Variants in SNAP25 observed in about 807,000 individuals in gnomAD.
SNAP25 encodes synaptosome associated protein 25.
Under a neutral mutation model 28.7 loss-of-function variants are expected in SNAP25, and 3 were observed. The observed-to-expected ratio is 0.10, with a 90% CI of 0.05 to 0.27. The LOEUF (loss-of-function observed/expected upper bound fraction) is 0.27. Ranked by LOEUF, SNAP25 falls within the 10% of genes least tolerant of loss-of-function variation. The pLI, the probability that SNAP25 is intolerant of heterozygous loss-of-function variation, is 1.00. For synonymous variants in SNAP25, 61 were observed against 88.1 expected (o/e 0.69, Z 1.72); for missense variants, 117 against 278.7 (o/e 0.42, Z 4.13).
chr20:10,286,819 A>T (rs940321903), intron 4 of SNAP25, among the ~76,000 whole-genome samples: 21 of 152,222 alleles, frequency 1.4e-4, no homozygotes, highest in African/African-American at 5.1e-4. Flanking sequence ...AAAGTTGTAC[A>T]CAAATAACAA....
intron 1 of SNAP25, among the ~76,000 whole-genome samples, chr20:10,236,359 T>C (rs551439993): frequency 7.2e-5 from 11 of 152,296 alleles, no homozygotes; most frequent in Non-Finnish European, 1.5e-4. Flanking sequence ...CCTTTGAACA[T>C]TGAGGATAAG....
intron 3 of SNAP25, among the ~76,000 whole-genome samples, chr20:10,280,874 T>G (rs894034066): frequency 1.3e-5 from 2 of 151,616 alleles, no homozygotes; most frequent in African/African-American, 2.4e-5. Flanking sequence ...TCTAAAGTGG[T>G]GTATGCCAAA....
chr20:10,296,891 CT>C (rs776222165), intron 5 of SNAP25, 33 bp from the exon 6 acceptor site: 4 of 1,613,314 alleles, frequency 2.5e-6, no homozygotes, highest in East Asian at 2.2e-5. Flanking sequence ...TCCTCCACCC[CT>C]GTGCCTTGTC....
intron 1 of SNAP25, among the ~76,000 whole-genome samples, chr20:10,262,451 T>A (rs921419167): frequency 6.6e-6 from 1 of 152,228 alleles, no homozygotes; most frequent in African/African-American, 2.4e-5. Flanking sequence ...ATATTCTGAA[T>A]GTGGAGTCTT....
At chr20:10,263,870 G>T (rs748016436) in intron 1 of SNAP25, among the ~76,000 whole-genome samples, 7 of 152,050 alleles carry the variant, frequency 4.6e-5, no homozygotes, top group African/African-American at 1.7e-4. Context: ...ACCTGTTACC[G>T]TGGTTTGTTT....
chr20:10,268,034 G>A (rs1050384832), intron 1 of SNAP25, among the ~76,000 whole-genome samples: 14 of 152,158 alleles, frequency 9.2e-5, no homozygotes, highest in Admixed American at 6.5e-4. Context: ...TATGCACAGC[G>A]TGTGTCACTG....
intron 1 of SNAP25, among the ~76,000 whole-genome samples, chr20:10,224,257 CTTTTTTTTTTTTTTTTTTTT>C (rs71332917): frequency 5.7e-5 from 1 of 17,420 alleles, no homozygotes; most frequent in Non-Finnish European, 9.5e-5. Context: ...ATGTACATGT[CTTTTTTTTTTTTTTTTTTTT>C]TTTTTTTTTT....
In SNAP25 at chr20:10,271,338, C is replaced by A. The variant is rs147997995; in HGVS notation, c.-63-4091C>A. On this transcript the variant is annotated intron_variant, in intron 1 of 7. Coordinates refer to ENST00000254976, the MANE Select transcript of SNAP25 (RefSeq NM_130811.4). Reference sequence around the variant, plus strand: ...TATTAAACACTAGCAGTAAACATCCCAACAGAAGATCTGGAGGTACGCTCA... The same window carrying A: ...TATTAAACACTAGCAGTAAACATCCAAACAGAAGATCTGGAGGTACGCTCA... Among the ~76,000 whole-genome samples, 372 of 152,308 alleles carry A rather than the reference C, an allele frequency of 2.4e-3. 1 individual carries two copies. Among genetic ancestry groups the A allele is most frequent in the Non-Finnish European group, 4.0e-3 (273 of 68,026 alleles).
At chr20:10,263,555 A>G (rs944070038) in intron 1 of SNAP25, among the ~76,000 whole-genome samples, 5 of 152,180 alleles carry the variant, frequency 3.3e-5, no homozygotes, top group Admixed American at 2.0e-4. Context: ...TGGTCTTAGA[A>G]TCTGTCTGTT....
At chr20:10,255,682 C>T (rs1387276348) in intron 1 of SNAP25, among the ~76,000 whole-genome samples, 1 of 152,144 alleles carries the variant, frequency 6.6e-6, no homozygotes, top group African/African-American at 2.4e-5. Context: ...ACACAGGAAT[C>T]GTGGGTTAGA....
At chr20:10,257,629 T>G (rs187818701) in intron 1 of SNAP25, among the ~76,000 whole-genome samples, 95 of 151,336 alleles carry the variant, frequency 6.3e-4, no homozygotes, top group East Asian at 4.6e-3. Flanking sequence ...GAGAATCGCT[T>G]GAACCCAGGA....
At chr20:10,289,928 G>A (rs1458682633) in intron 4 of SNAP25, among the ~76,000 whole-genome samples, 1 of 151,856 alleles carries the variant, frequency 6.6e-6, no homozygotes, top group Non-Finnish European at 1.5e-5. Context: ...CCAATATCAT[G>A]GCAAAAGAAA....
intron 1 of SNAP25, among the ~76,000 whole-genome samples, chr20:10,250,281 G>A (rs1600684869): frequency 6.6e-6 from 1 of 152,276 alleles, no homozygotes; most frequent in East Asian, 1.9e-4. Context: ...GTCGTCCAGG[G>A]CATTTCTGAA....
chr20:10,241,586 T>C (rs1282215818), intron 1 of SNAP25, among the ~76,000 whole-genome samples: 1 of 151,628 alleles, frequency 6.6e-6, no homozygotes, highest in East Asian at 1.9e-4. Context: ...TAGGGTGAGG[T>C]GGTCGAGAGA....
At chr20:10,296,726 G>A (rs767953375) in intron 5 of SNAP25, 199 bp from the exon 6 acceptor site, 15 of 631,912 alleles carry the variant, frequency 2.4e-5, no homozygotes, top group East Asian at 1.3e-4. Flanking sequence ...CAATGGATTC[G>A]ATTGGAAGTG....
chr20:10,294,965 G>T (rs1339920523), intron 5 of SNAP25, among the ~76,000 whole-genome samples: 1 of 152,136 alleles, frequency 6.6e-6, no homozygotes, highest in East Asian at 1.9e-4. Context: ...GTGAAGGCAG[G>T]GTCCCCTGGG....
At chr20:10,295,203 G>A (rs1420736019) in intron 5 of SNAP25, among the ~76,000 whole-genome samples, 4 of 152,268 alleles carry the variant, frequency 2.6e-5, no homozygotes, top group South Asian at 2.1e-4. Context: ...TTCAAGGGAC[G>A]ATGGTAGATG....
chr20:10,237,768 G>C (rs1600660126), intron 1 of SNAP25, among the ~76,000 whole-genome samples: 1 of 152,144 alleles, frequency 6.6e-6, no homozygotes, highest in Non-Finnish European at 1.5e-5. Flanking sequence ...AAGTCCCTCA[G>C]CTTAAAAATA....
rs573975065 is a variant in SNAP25 at position 10,220,191 on chromosome 20, G to A, written c.-64+1214G>A. 7.9e-5 allele frequency among the ~76,000 whole-genome samples: 12 copies of A among 152,234 alleles called. No homozygotes were observed. In the East Asian group the frequency reaches 1.5e-3, roughly 20 times the overall value. On this transcript the variant is annotated intron_variant, in intron 1 of 7. Transcript: ENST00000254976. Reference sequence around the variant, plus strand: ...AAAAATGTGAGATTAGCTGAACTAAGCAGAATCAACTTTAAGAATGAATCA... The same window carrying A: ...AAAAATGTGAGATTAGCTGAACTAAACAGAATCAACTTTAAGAATGAATCA...
Sources: allele counts gnomAD v4.1 joint callset (sites outside exome capture counted in the v4.1 genomes callset), GRCh38; gene constraint gnomAD v4.1.1; transcripts MANE v1.5; gene names NCBI Gene and HGNC (gene_info 2026-07-23, HGNC 2026-07-21).